Variants in RNGTT observed in about 807,000 individuals in gnomAD.
RNGTT encodes RNA guanylyltransferase and 5'-phosphatase.
In RNGTT, 33 loss-of-function variants were observed where a neutral mutation model predicts 79.3. The ratio of observed to expected loss-of-function variants is 0.42; its 90% confidence interval spans 0.32 to 0.56. The LOEUF is 0.56. Among genes scored for constraint, RNGTT ranks in the 20% least tolerant of loss-of-function variants. RNGTT has a pLI of 0.17. For missense variants in RNGTT, 497 were observed against 739.1 expected, an observed-to-expected ratio of 0.67 and a Z score of 3.80; for synonymous variants, 222 against 235.9, an observed-to-expected ratio of 0.94 and a Z score of 0.54.
At chr6:88,906,510 A>G in intron 4 of RNGTT, 70 bp from the exon 5 acceptor site, 3 of 826,890 alleles carry the variant, frequency 3.6e-6, no homozygotes, top group Non-Finnish European at 3.8e-6. Flanking sequence ...TTAAAATTCC[A>G]ACCTGCAATC....
intron 1 of RNGTT, among the ~76,000 whole-genome samples, 175 bp downstream of exon 1, chr6:88,963,171 A>ACCAT (rs1376577327): frequency 1.3e-5 from 2 of 149,974 alleles, no homozygotes; most frequent in African/African-American, 5.1e-5. Flanking sequence ...CCATCCGCCG[A>ACCAT]CCATCCCCTC....
Position 88,769,884 on chromosome 6 carries a change from A to G in RNGTT, c.1339-10T>C, listed in dbSNP as rs1469766551. ...GACCAGGTTTGTATTTCTAAAGCCA[A>G]TTAAAATGATGACAATCGTTACTAA... On this transcript the variant is annotated splice_polypyrimidine_tract_variant and intron_variant, in intron 12 of 15. Transcript: ENST00000369485. 1.3e-6 allele frequency: 2 copies of G among 1,573,344 alleles called. No individual in the cohort carries two copies. The highest frequency in any genetic ancestry group is 1.7e-6 in the Non-Finnish European group (2 of 1,146,182).
At chr6:88,742,052 G>A (rs1443591824) in intron 13 of RNGTT, among the ~76,000 whole-genome samples, 3 of 152,158 alleles carry the variant, frequency 2.0e-5, no homozygotes, top group African/African-American at 7.2e-5. Flanking sequence ...TTTATTAAAT[G>A]CATTTTCTTT....
chr6:88,912,785 T>C (rs1182013572), intron 4 of RNGTT, among the ~76,000 whole-genome samples: 1 of 151,544 alleles, frequency 6.6e-6, no homozygotes, highest in African/African-American at 2.4e-5. Flanking sequence ...AACTAGAAAA[T>C]CTAGAGAAAA....
intron 6 of RNGTT, among the ~76,000 whole-genome samples, chr6:88,898,845 T>C (rs1033051960): frequency 2.0e-5 from 3 of 148,846 alleles, no homozygotes; most frequent in Admixed American, 2.0e-4. Flanking sequence ...CTCCTAGATG[T>C]TTGCATTTAT....
At chr6:88,820,982 C>T (rs138947778) in intron 11 of RNGTT, among the ~76,000 whole-genome samples, 5 of 152,042 alleles carry the variant, frequency 3.3e-5, no homozygotes, top group East Asian at 3.9e-4. Context: ...GAGAGGCAAA[C>T]GATCTAAAAT....
chr6:88,893,726 T>C (rs1294939821), intron 6 of RNGTT, among the ~76,000 whole-genome samples: 1 of 152,158 alleles, frequency 6.6e-6, no homozygotes, highest in Admixed American at 6.5e-5. Flanking sequence ...TCTTCTTCCT[T>C]AATCTTTCCT....
At chr6:88,787,002 G>A (rs773931019) in intron 12 of RNGTT, among the ~76,000 whole-genome samples, 2 of 152,060 alleles carry the variant, frequency 1.3e-5, no homozygotes, top group Admixed American at 6.5e-5. Context: ...ACCACACACC[G>A]AATCTGCCAA....
At chr6:88,722,472 A>T (rs1467977335) in intron 13 of RNGTT, among the ~76,000 whole-genome samples, 1 of 152,232 alleles carries the variant, frequency 6.6e-6, no homozygotes, top group Non-Finnish European at 1.5e-5. Context: ...GAGAAGAGAA[A>T]GAATCATAGC....
At chr6:88,695,300 CAAAA>C (rs1288406248) in intron 13 of RNGTT, among the ~76,000 whole-genome samples, 1 of 151,832 alleles carries the variant, frequency 6.6e-6, no homozygotes, top group Non-Finnish European at 1.5e-5. Flanking sequence ...ATAAGGAACT[CAAAA>C]AAACTCAAAA....
chr6:88,723,978 GC>G (rs1215997080), intron 13 of RNGTT, among the ~76,000 whole-genome samples: 1 of 152,134 alleles, frequency 6.6e-6, no homozygotes, highest in Non-Finnish European at 1.5e-5. Context: ...GCCTGCCTCA[GC>G]CTCCCAAAGT....
At chr6:88,860,409 C>T (rs1781974314) in intron 8 of RNGTT, among the ~76,000 whole-genome samples, 1 of 152,188 alleles carries the variant, frequency 6.6e-6, no homozygotes, top group Admixed American at 6.5e-5. Flanking sequence ...TGGAAATAGG[C>T]TCAGGATCTA....
At chr6:88,625,528 C>T (rs1772594970) in intron 14 of RNGTT, among the ~76,000 whole-genome samples, 1 of 151,818 alleles carries the variant, frequency 6.6e-6, no homozygotes, top group African/African-American at 2.4e-5. Context: ...CTGGAAAACG[C>T]AAAACTATAT....
At chr6:88,824,748 C>CTTTT (rs59203172) in intron 11 of RNGTT, among the ~76,000 whole-genome samples, 1 of 135,890 alleles carries the variant, frequency 7.4e-6, no homozygotes. Context: ...CGTTTGTTTT[C>CTTTT]TTTTTTTTTT....
chr6:88,631,800 G>A (rs774356735), intron 14 of RNGTT, among the ~76,000 whole-genome samples: 9 of 144,784 alleles, frequency 6.2e-5, no homozygotes, highest in Middle Eastern at 3.4e-3. Flanking sequence ...TCATGTGATA[G>A]TAGGCTATAT....
chr6:88,627,995 A>C (rs1772698722), intron 14 of RNGTT, among the ~76,000 whole-genome samples: 1 of 152,120 alleles, frequency 6.6e-6, no homozygotes, highest in Non-Finnish European at 1.5e-5. Context: ...TTGCAATTTT[A>C]TATATGCTTT....
chr6:88,747,370 T>C (rs6902454), intron 13 of RNGTT, among the ~76,000 whole-genome samples: 43,328 of 152,144 alleles, frequency 0.28, 9,957 homozygotes, highest in African/African-American at 0.64. Flanking sequence ...TGGCTCCTCT[T>C]TCTCAAATCT....
chr6:88,895,579 T>A (rs1375543344), intron 6 of RNGTT, among the ~76,000 whole-genome samples: 1 of 152,064 alleles, frequency 6.6e-6, no homozygotes, highest in Non-Finnish European at 1.5e-5. Flanking sequence ...AATATAAGAA[T>A]CAGAAAAGAC....
chr6:88,859,650 T>G (rs1172268159), intron 8 of RNGTT, among the ~76,000 whole-genome samples: 1 of 152,150 alleles, frequency 6.6e-6, no homozygotes, highest in Non-Finnish European at 1.5e-5. Context: ...CAAGTGGCAC[T>G]CTATCTACCT....
Sources: allele counts gnomAD v4.1 joint callset (sites outside exome capture counted in the v4.1 genomes callset), GRCh38; gene constraint gnomAD v4.1.1; transcripts MANE v1.5; gene names NCBI Gene and HGNC (gene_info 2026-07-23, HGNC 2026-07-21).